The following UGGT2 variants were observed in gnomAD, a reference collection of about 807,000 sequenced individuals.
UGGT2 encodes the protein UDP-glucose glycoprotein glucosyltransferase 2.
A neutral mutation model predicts 192.1 loss-of-function variants in UGGT2; 180 were observed. That is an observed-to-expected ratio of 0.94 (90% confidence interval 0.83 to 1.06). The LOEUF (loss-of-function observed/expected upper bound fraction) is 1.06. Among genes scored for constraint, UGGT2 ranks in the 50% least tolerant of loss-of-function variants. The pLI, the probability that UGGT2 is intolerant of heterozygous loss-of-function variation, is 0.00. For synonymous variants in UGGT2, 580 were observed against 591.0 expected, an observed-to-expected ratio of 0.98 and a Z score of 0.27; for missense variants, 1,849 against 1,795.7, an observed-to-expected ratio of 1.03 and a Z score of -0.54.
chr13:95,896,327 C>T (rs913733395), intron 22 of UGGT2, among the ~76,000 whole-genome samples: 1 of 152,042 alleles, frequency 6.6e-6, no homozygotes, highest in African/African-American at 2.4e-5. Flanking sequence ...GGCATCTCAA[C>T]TAAATAAATA....
intron 26 of UGGT2, among the ~76,000 whole-genome samples, chr13:95,885,034 A>G (rs1486073874): frequency 1.3e-5 from 2 of 152,192 alleles, no homozygotes; most frequent in Non-Finnish European, 2.9e-5. Context: ...TCTATTTTTC[A>G]GCTATTTTAT....
chr13:95,858,732 T>G (rs915054235), intron 33 of UGGT2, among the ~76,000 whole-genome samples: 4 of 152,138 alleles, frequency 2.6e-5, no homozygotes, highest in African/African-American at 9.7e-5. Context: ...TTATAGTAAG[T>G]TATTGAATCT....
chr13:95,994,138 A>G (rs912552877), intron 7 of UGGT2, among the ~76,000 whole-genome samples: 1 of 152,126 alleles, frequency 6.6e-6, no homozygotes, highest in African/African-American at 2.4e-5. Context: ...TTAGATCAGT[A>G]AAGTTCTAGA....
intron 2 of UGGT2, among the ~76,000 whole-genome samples, chr13:96,030,329 T>C (rs781674002): frequency 6.6e-6 from 1 of 152,164 alleles, no homozygotes; most frequent in Non-Finnish European, 1.5e-5. Context: ...GTCTCCTTCA[T>C]TGTTTCACAA....
intron 38 of UGGT2, among the ~76,000 whole-genome samples, chr13:95,825,818 T>A (rs1382873034): frequency 1.3e-5 from 2 of 152,110 alleles, no homozygotes; most frequent in Non-Finnish European, 2.9e-5. Flanking sequence ...AGCAGAAAGA[T>A]CTGGGACTCA....
chr13:95,815,530 C>G (rs1031385393), intron 38 of UGGT2, among the ~76,000 whole-genome samples: 1 of 152,170 alleles, frequency 6.6e-6, no homozygotes, highest in Non-Finnish European at 1.5e-5. Context: ...ACACTGCAAA[C>G]TAAAACTCTG....
chr13:95,910,674 G>C (rs1290252827), intron 20 of UGGT2, among the ~76,000 whole-genome samples: 1 of 152,126 alleles, frequency 6.6e-6, no homozygotes, highest in Non-Finnish European at 1.5e-5. Context: ...ATATTAGACA[G>C]ATCAACAAGA....
intron 36 of UGGT2, among the ~76,000 whole-genome samples, chr13:95,837,644 C>T (rs370810642): frequency 1.3e-5 from 2 of 152,312 alleles, no homozygotes; most frequent in South Asian, 4.1e-4. Context: ...TCTGCATGCT[C>T]AGAGCTCTCT....
At chr13:95,886,215 G>A (rs911670448) in intron 26 of UGGT2, among the ~76,000 whole-genome samples, 1 of 152,170 alleles carries the variant, frequency 6.6e-6, no homozygotes, top group African/African-American at 2.4e-5. Context: ...AAGAAGCTGA[G>A]GGGATTCCTG....
At chr13:95,968,379 C>T (rs1045239420) in intron 12 of UGGT2, among the ~76,000 whole-genome samples, 1 of 152,290 alleles carries the variant, frequency 6.6e-6, no homozygotes, top group South Asian at 2.1e-4. Context: ...ATAGTTCTGA[C>T]ATATAATGTA....
At chr13:95,946,678 A>C (rs2049882506) in intron 15 of UGGT2, among the ~76,000 whole-genome samples, 1 of 152,096 alleles carries the variant, frequency 6.6e-6, no homozygotes, top group African/African-American at 2.4e-5. Context: ...GCCTGCAATG[A>C]TCTCTTTAAT....
At chr13:95,838,644 C>T (rs1887549593) in intron 36 of UGGT2, among the ~76,000 whole-genome samples, 1 of 152,090 alleles carries the variant, frequency 6.6e-6, no homozygotes, top group African/African-American at 2.4e-5. Context: ...GAAAATTACC[C>T]ATACTTTCTG....
intron 5 of UGGT2, among the ~76,000 whole-genome samples, chr13:96,010,529 C>T: frequency 6.6e-6 from 1 of 151,924 alleles, no homozygotes. Flanking sequence ...ACTCCCCATT[C>T]AACATTGACT....
At position 95,877,793 on chromosome 13, in the gene UGGT2, CA is replaced by C. The variant is rs746932431; in HGVS notation, c.3291del (p.Phe1097LeufsTer4). On this transcript the variant is annotated frameshift_variant, in exon 28 of 39. Transcript: ENST00000376747. LOFTEE classifies it high-confidence loss of function. ...LEYLLLEGQC[F>X]DKVTEQPPRG... is the part of the protein sequence containing the mutation. ...CGAGGAGGCTGTTCTGTCACTTTAT[CA>C]AAGCATTGTCCTTCCAGTAGTAAGT... The C allele has an allele frequency of 4.0e-5, 64 of 1,613,904 alleles. No individual in the cohort carries two copies. Among genetic ancestry groups the C allele is most frequent in the Non-Finnish European group, 5.0e-5 (59 of 1,179,986 alleles).
intron 38 of UGGT2, among the ~76,000 whole-genome samples, chr13:95,825,934 G>A (rs1035176888): frequency 1.3e-5 from 2 of 152,078 alleles, no homozygotes; most frequent in Non-Finnish European, 1.5e-5. Context: ...TACAGTGATT[G>A]CTACTGCTCT....
At chr13:96,024,217 T>C (rs1009359990) in intron 2 of UGGT2, among the ~76,000 whole-genome samples, 21 of 152,210 alleles carry the variant, frequency 1.4e-4, no homozygotes, top group African/African-American at 5.1e-4. Context: ...AGAATACTTT[T>C]AGGAGACAAA....
At chr13:96,015,527 GA>G (rs1335845131) in intron 4 of UGGT2, among the ~76,000 whole-genome samples, 1 of 152,052 alleles carries the variant, frequency 6.6e-6, no homozygotes, top group Admixed American at 6.6e-5. Flanking sequence ...ATCATAGGTA[GA>G]AAAATTATAC....
At chr13:95,997,106 C>G (rs1372826866) in intron 6 of UGGT2, among the ~76,000 whole-genome samples, 1 of 152,094 alleles carries the variant, frequency 6.6e-6, no homozygotes, top group Non-Finnish European at 1.5e-5. Context: ...AAAAGCAACC[C>G]TGGGTACTTT....
At chr13:96,024,477 G>C (rs1026945657) in intron 2 of UGGT2, among the ~76,000 whole-genome samples, 1 of 152,182 alleles carries the variant, frequency 6.6e-6, no homozygotes, top group East Asian at 1.9e-4. Flanking sequence ...GGATAAGCAG[G>C]GGTGGGCAGA....
Sources: gnomAD v4.1 joint callset for allele counts (sites outside exome capture counted in the v4.1 genomes callset) on GRCh38, gnomAD v4.1.1 for gene constraint, MANE v1.5 for transcripts, NCBI Gene and HGNC (gene_info 2026-07-23, HGNC 2026-07-21) for gene names.